The following NANOS3 variants were observed in gnomAD, a reference collection of about 807,000 sequenced individuals.
NANOS3 encodes the protein nanos C2HC-type zinc finger 3.
A neutral mutation model predicts 13.8 loss-of-function variants in NANOS3; 11 were observed. The observed-to-expected ratio is 0.80, with a 90% CI of 0.50 to 1.32. The LOEUF (loss-of-function observed/expected upper bound fraction) is 1.32. Ranked by LOEUF, NANOS3 falls within the 40% of genes most tolerant of loss-of-function variation. The pLI is 0.00. For missense variants in NANOS3, 221 were observed against 263.8 expected (o/e 0.84, Z 1.12); for synonymous variants, 119 against 115.4 (o/e 1.03, Z -0.20).
chr19:13,872,147 C>G (rs1268579263), upstream of NANOS3, among the ~76,000 whole-genome samples: 1 of 152,102 alleles, frequency 6.6e-6, no homozygotes, highest in Non-Finnish European at 1.5e-5. Context: ...GAGTTGGAGA[C>G]CAACCTGGCC....
Position 13,877,873 on chromosome 19 carries a change from TAGAG to T in NANOS3, c.517+113_517+116del, listed in dbSNP as rs997708986. 126 of 1,439,488 alleles carry T rather than the reference TAGAG, an allele frequency of 8.8e-5. No individual in the cohort carries two copies. The African/African-American group carries it at 1.4e-3, about 16-fold the overall frequency. The allele number at this position is 1,439,488 out of a possible 1,614,324, so 89.2% of individuals were successfully genotyped here. ...ACCTCCAAGGGTTAGGGGAAGACCTTAGAGAGAGCTTAGAACAGCAGTTGATTTT... is the reference window on the plus strand; with the variant it reads ...ACCTCCAAGGGTTAGGGGAAGACCTTAGAGCTTAGAACAGCAGTTGATTTT... On this transcript the variant is annotated intron_variant, in intron 1 of 1. Coordinates refer to ENST00000339133, the MANE Select transcript of NANOS3 (RefSeq NM_001098622.3).
chr19:13,874,804 A>G (rs1968475274), upstream of NANOS3: 1 of 533,212 alleles, frequency 1.9e-6, no homozygotes, highest in Non-Finnish European at 3.9e-6. Context: ...TGGAATTGCC[A>G]TCCTCCTGCC....
In NANOS3 at chr19:13,880,594, TC is replaced by T; in HGVS notation, c.*97del. On this transcript the variant is annotated 3_prime_UTR_variant, in exon 2 of 2. Coordinates refer to ENST00000339133, the MANE Select transcript of NANOS3 (RefSeq NM_001098622.3). Reference sequence around the variant, plus strand: ...GACGACTGCCCCCACTCCCAGACCCTCCCCCCAGCCTGGGATTGAGCCCTGG... The same window carrying T: ...GACGACTGCCCCCACTCCCAGACCCTCCCCCAGCCTGGGATTGAGCCCTGG... 1.5e-5 allele frequency: 16 copies of T among 1,057,094 alleles called. No homozygotes were observed. The highest frequency in any genetic ancestry group is 1.8e-5 in the Admixed American group (1 of 54,512). The allele number at this position is 1,057,094 out of a possible 1,614,324, so 65.5% of individuals were successfully genotyped here.
chr19:13,874,855 C>T (rs752765236), upstream of NANOS3: 4 of 526,114 alleles, frequency 7.6e-6, no homozygotes, highest in Non-Finnish European at 1.6e-5. Context: ...CCTGGGGAGC[C>T]CCCAATCCAG....
At chr19:13,873,368 C>T (rs1053786599), upstream of NANOS3, among the ~76,000 whole-genome samples, 6 of 151,236 alleles carry the variant, frequency 4.0e-5, no homozygotes, top group Non-Finnish European at 5.9e-5. Context: ...GTGGTTCACG[C>T]AGCTCGGCAC....
In NANOS3 at chr19:13,880,005, G is replaced by A. The variant is rs571255541; in HGVS notation, c.518-437G>A. 1.2e-4 allele frequency among the ~76,000 whole-genome samples: 18 copies of A among 152,246 alleles called. No homozygotes were observed. The South Asian group carries it at 2.7e-3, about 23-fold the overall frequency. On this transcript the variant is annotated intron_variant, in intron 1 of 1. Transcript: ENST00000339133. Reference sequence around the variant, plus strand: ...CACGTCACTGCACTCCAGCCTGGGCGACAGAGTGAGACTCCGTCTCACAAA... The same window carrying A: ...CACGTCACTGCACTCCAGCCTGGGCAACAGAGTGAGACTCCGTCTCACAAA...
At chr19:13,870,817 T>C (rs1041965678) in intron 1 of NANOS3, among the ~76,000 whole-genome samples, 59 of 151,702 alleles carry the variant, frequency 3.9e-4, no homozygotes, top group Middle Eastern at 3.4e-3. Flanking sequence ...TGACCTCAAC[T>C]GATCTGCCCG....
upstream of NANOS3, among the ~76,000 whole-genome samples, chr19:13,863,116 T>A (rs1253357265): frequency 6.6e-6 from 1 of 152,210 alleles, no homozygotes; most frequent in East Asian, 1.9e-4. Flanking sequence ...AGTGGATGAA[T>A]GAGTGAATGA....
At chr19:13,864,999 G>A (rs893273219), upstream of NANOS3, among the ~76,000 whole-genome samples, 2 of 152,044 alleles carry the variant, frequency 1.3e-5, no homozygotes, top group Non-Finnish European at 2.9e-5. Context: ...GTCTGCGTGC[G>A]TCTGGGTCCC....
chr19:13,870,150 G>C (rs959969148), intron 1 of NANOS3, among the ~76,000 whole-genome samples: 6 of 151,814 alleles, frequency 4.0e-5, no homozygotes, highest in African/African-American at 1.5e-4. Context: ...GACTTCCCTG[G>C]CTTCCGTCAG....
At chr19:13,866,909 C>A (rs1976250593) in intron 1 of NANOS3, among the ~76,000 whole-genome samples, 1 of 152,096 alleles carries the variant, frequency 6.6e-6, no homozygotes, top group Non-Finnish European at 1.5e-5. Flanking sequence ...ACAGACGGTA[C>A]AAGGCCTGCA....
Position 13,880,518 on chromosome 19 carries a change from C to G in NANOS3, c.*15C>G. On this transcript the variant is annotated 3_prime_UTR_variant, in exon 2 of 2. Coordinates refer to ENST00000339133, the MANE Select transcript of NANOS3 (RefSeq NM_001098622.3). The stretch of plus-strand genomic sequence containing the variant: ...TGTCCACCTAGGAGGCTGCCTACAC[C>G]TGGGCAAGGGCACCCGGGCTCGGCT... 6.2e-7 allele frequency: 1 copy of G among 1,612,796 alleles called. No individual in the cohort carries two copies. The highest frequency in any genetic ancestry group is 8.5e-7 in the Non-Finnish European group (1 of 1,179,188).
upstream of NANOS3, among the ~76,000 whole-genome samples, chr19:13,862,437 T>G (rs1239581734): frequency 6.6e-6 from 1 of 151,890 alleles, no homozygotes; most frequent in East Asian, 1.9e-4. Flanking sequence ...CCCCTGCTGG[T>G]GGCTGCAGGA....
upstream of NANOS3, among the ~76,000 whole-genome samples, chr19:13,876,334 A>G (rs1396878234): frequency 7.0e-6 from 1 of 143,338 alleles, no homozygotes; most frequent in Non-Finnish European, 1.5e-5. Context: ...GTGTGTGTGT[A>G]TTTTTAGTAG....
intron 1 of NANOS3, among the ~76,000 whole-genome samples, chr19:13,867,588 G>C (rs1288206334): frequency 6.6e-6 from 1 of 151,850 alleles, no homozygotes; most frequent in African/African-American, 2.4e-5. Flanking sequence ...TTGAGACAGG[G>C]TCTGGCTCTG....
intron 1 of NANOS3, among the ~76,000 whole-genome samples, chr19:13,866,700 A>G (rs1352095401): frequency 6.6e-6 from 1 of 152,220 alleles, no homozygotes; most frequent in Admixed American, 6.5e-5. Context: ...GTGTTCACCC[A>G]CAGCATGTCA....
At chr19:13,878,713 C>T (rs1968570049) in intron 1 of NANOS3, among the ~76,000 whole-genome samples, 1 of 149,542 alleles carries the variant, frequency 6.7e-6, no homozygotes, top group Non-Finnish European at 1.5e-5. Flanking sequence ...CTCCTGGGTT[C>T]AAGCGATTCT....
At chr19:13,863,605 C>T (rs973788896), upstream of NANOS3, among the ~76,000 whole-genome samples, 1 of 152,134 alleles carries the variant, frequency 6.6e-6, no homozygotes, top group Admixed American at 6.6e-5. Flanking sequence ...TGGCCCCCCC[C>T]AACCCCATGG....
At chr19:13,869,187 T>C (rs1013391511) in intron 1 of NANOS3, among the ~76,000 whole-genome samples, 7 of 152,192 alleles carry the variant, frequency 4.6e-5, no homozygotes, top group African/African-American at 1.7e-4. Flanking sequence ...TTTTTTAATT[T>C]GTTTTTTGTA....
Sources: gnomAD v4.1 joint callset for allele counts (sites outside exome capture counted in the v4.1 genomes callset) on GRCh38, gnomAD v4.1.1 for gene constraint, MANE v1.5 for transcripts, NCBI Gene and HGNC (gene_info 2026-07-23, HGNC 2026-07-21) for gene names.